The following WHRN variants were observed in gnomAD, a reference collection of about 807,000 sequenced individuals.
WHRN encodes CASK-interacting protein CIP98.
Under a neutral mutation model 68.3 loss-of-function variants are expected in WHRN, and 41 were observed. That is an observed-to-expected ratio of 0.60 (90% CI 0.47 to 0.78). WHRN has a LOEUF of 0.78. Ranked by LOEUF, WHRN falls within the 30% of genes least tolerant of loss-of-function variation. WHRN has a pLI of 0.00. For missense variants in WHRN, 1,243 were observed against 1,244.7 expected (o/e 1.00, Z 0.02); for synonymous variants, 560 against 561.3 (o/e 1.00, Z 0.03).
At chr9:114,431,852 A>G (rs1589125771) in intron 3 of WHRN, among the ~76,000 whole-genome samples, 2 of 152,222 alleles carry the variant, frequency 1.3e-5, no homozygotes, top group South Asian at 4.1e-4. Flanking sequence ...GGACAGGAAC[A>G]TGTCTAGGGC....
chr9:114,422,767 G>A (rs1164400534), intron 7 of WHRN, among the ~76,000 whole-genome samples: 1 of 152,158 alleles, frequency 6.6e-6, no homozygotes, highest in Non-Finnish European at 1.5e-5. Flanking sequence ...CTGGGGAGGT[G>A]GAGGTTGCAG....
In WHRN at chr9:114,421,516, C is replaced by T. The variant is rs375931721; in HGVS notation, c.1626+1798G>A. 8.4e-4 allele frequency among the ~76,000 whole-genome samples: 128 copies of T among 152,358 alleles called. 1 individual carries two copies. In the South Asian group the frequency reaches 0.026, roughly 31 times the overall value. On this transcript the variant is annotated intron_variant, in intron 7 of 11. Transcript: ENST00000362057. Reference sequence around the variant, plus strand: ...GGCTCAAACCTAGACCTCCTGCCTCCCAGACCAAAACACATCCCACCCCAT... The same window carrying T: ...GGCTCAAACCTAGACCTCCTGCCTCTCAGACCAAAACACATCCCACCCCAT...
chr9:114,404,094 G>A lies in WHRN; in HGVS notation c.2237-17C>T, dbSNP rs758727396. The A allele has an allele frequency of 6.2e-7, 1 of 1,610,890 alleles. No homozygotes were observed. The highest frequency in any genetic ancestry group is 1.1e-5 in the South Asian group (1 of 90,996). On this transcript the variant is annotated splice_polypyrimidine_tract_variant and intron_variant, in intron 9 of 11. Transcript: ENST00000362057. ...TAGAGGCTGCTGGAGAGGGGAAAAG[G>A]AAGAGAGAAGCAGCTTATATAGCTG...
At chr9:114,437,838 C>G (rs1469163148) in intron 3 of WHRN, among the ~76,000 whole-genome samples, 2 of 152,162 alleles carry the variant, frequency 1.3e-5, no homozygotes, top group Non-Finnish European at 2.9e-5. Flanking sequence ...ATGGAGAGAA[C>G]ACTTGCAATA....
chr9:114,402,899 A>G lies in WHRN; in HGVS notation c.2579T>C (p.Val860Ala). 1 of 1,613,498 alleles carries G rather than the reference A, an allele frequency of 6.2e-7. No individual in the cohort carries two copies. The highest frequency in any genetic ancestry group is 1.1e-5 in the South Asian group (1 of 91,018). ...ATTCACTTCCAGAATCACGTGGCCC[A>G]CCTTGAGCTGCCCACAGTTGTGAGC... ...GSAHNCGQLKVGHVILEVNGL... is the reference protein window; with the variant it reads ...GSAHNCGQLKAGHVILEVNGL... The change falls in exon 12 of 12, where the codon GTG (valine) becomes GCG (alanine). Residue 860 changes from valine to alanine, a missense_variant. Coordinates refer to ENST00000362057, the MANE Select transcript of WHRN (RefSeq NM_015404.4).
chr9:114,450,542 C>CG (rs1454424933), intron 3 of WHRN, among the ~76,000 whole-genome samples: 1 of 152,130 alleles, frequency 6.6e-6, no homozygotes. Flanking sequence ...AAGACTCATG[C>CG]GGTTACCTTA....
At chr9:114,436,913 T>C (rs533359764) in intron 3 of WHRN, among the ~76,000 whole-genome samples, 24 of 151,970 alleles carry the variant, frequency 1.6e-4, no homozygotes, top group African/African-American at 5.8e-4. Flanking sequence ...AATAAAAAAC[T>C]TTTTGCTATT....
At chr9:114,499,405 T>C (rs1260261994) in intron 1 of WHRN, among the ~76,000 whole-genome samples, 1 of 152,230 alleles carries the variant, frequency 6.6e-6, no homozygotes, top group Non-Finnish European at 1.5e-5. Context: ...TTTGAAAGAT[T>C]TGTATTTCAA....
intron 3 of WHRN, among the ~76,000 whole-genome samples, chr9:114,435,134 C>T (rs369570648): frequency 4.6e-5 from 7 of 152,174 alleles, no homozygotes; most frequent in African/African-American, 1.7e-4. Flanking sequence ...TAATCCCCCT[C>T]GCCCAGGGCA....
intron 3 of WHRN, among the ~76,000 whole-genome samples, chr9:114,458,048 T>C (rs7847520): frequency 0.75 from 113,473 of 152,150 alleles, 42,517 homozygotes; most frequent in East Asian, 0.97. Flanking sequence ...GGATTCTGGC[T>C]GTCACCCTTA....
intron 3 of WHRN, among the ~76,000 whole-genome samples, chr9:114,437,052 C>T (rs1350740038): frequency 6.6e-6 from 1 of 152,128 alleles, no homozygotes; most frequent in Non-Finnish European, 1.5e-5. Context: ...TCCGTAATTA[C>T]ACCAGTGTAG....
chr9:114,403,123 G>C (rs999962352), intron 11 of WHRN, 94 bp downstream of exon 11: 1 of 1,581,702 alleles, frequency 6.3e-7, no homozygotes, highest in Non-Finnish European at 8.7e-7. Context: ...CTTGAGTGCC[G>C]TGTTACCCAT....
chr9:114,491,850 C>CTT, intron 1 of WHRN: 2 of 263,850 alleles, frequency 7.6e-6, no homozygotes, highest in Non-Finnish European at 1.5e-5. Flanking sequence ...GCCCTGATGG[C>CTT]TTCCCTTTGC....
chr9:114,432,515 G>A (rs1449922674), intron 3 of WHRN, among the ~76,000 whole-genome samples: 1 of 152,346 alleles, frequency 6.6e-6, no homozygotes, highest in East Asian at 1.9e-4. Flanking sequence ...GCCATCTGGT[G>A]TGTGTTTCTG....
chr9:114,481,646 C>T (rs1011236696), intron 1 of WHRN, among the ~76,000 whole-genome samples: 2 of 152,234 alleles, frequency 1.3e-5, no homozygotes, highest in Non-Finnish European at 2.9e-5. Flanking sequence ...CAGCTCCCTG[C>T]TCCAGTGCTG....
chr9:114,409,776 G>A (rs1164751643), intron 7 of WHRN, among the ~76,000 whole-genome samples: 9 of 151,716 alleles, frequency 5.9e-5, no homozygotes, highest in Admixed American at 2.0e-4. Context: ...TCACCTGCTC[G>A]ACAAGGTGTA....
At chr9:114,426,089 C>A in intron 4 of WHRN, 122 bp downstream of exon 4, 1 of 1,288,528 alleles carries the variant, frequency 7.8e-7, no homozygotes, top group Admixed American at 1.8e-5. Context: ...AATGGAGGGC[C>A]CTGGTGTGGG....
chr9:114,424,620 T>G, intron 5 of WHRN, 74 bp from the exon 6 acceptor site: 1 of 1,462,680 alleles, frequency 6.8e-7, no homozygotes. Context: ...ACTCCCCCTC[T>G]GCCCTTCCAT....
chr9:114,416,749 A>G (rs1171980625), intron 7 of WHRN, among the ~76,000 whole-genome samples: 1 of 152,058 alleles, frequency 6.6e-6, no homozygotes, highest in African/African-American at 2.4e-5. Context: ...CCCTTTTCCA[A>G]CCTTTGGAGT....
Sources: gnomAD v4.1 joint callset for allele counts (sites outside exome capture counted in the v4.1 genomes callset) on GRCh38, gnomAD v4.1.1 for gene constraint, MANE v1.5 for transcripts, NCBI Gene and HGNC (gene_info 2026-07-23, HGNC 2026-07-21) for gene names.